The following ZYG11B variants were observed in gnomAD, a reference collection of about 807,000 sequenced individuals.
ZYG11B encodes the protein protein zyg-11 homolog B.
ZYG11B carries 36 observed loss-of-function variants against 82.4 expected under a neutral mutation model. The observed-to-expected ratio is 0.44, with a 90% CI of 0.33 to 0.58. The LOEUF (loss-of-function observed/expected upper bound fraction) is 0.58. ZYG11B is among the 20% of genes least tolerant of loss of function. The pLI is 0.02. For synonymous variants in ZYG11B, 303 were observed against 312.8 expected, an observed-to-expected ratio of 0.97 and a Z score of 0.33; for missense variants, 552 against 895.6, an observed-to-expected ratio of 0.62 and a Z score of 4.90.
chr1:52,811,047 A>G (rs1571799463), intron 10 of ZYG11B, among the ~76,000 whole-genome samples: 1 of 106,650 alleles, frequency 9.4e-6, no homozygotes, highest in Non-Finnish European at 1.7e-5. Flanking sequence ...AAAAAAAAAA[A>G]AAAAAGAGAA....
chr1:52,743,467 T>C lies in ZYG11B; in HGVS notation c.31-12991T>C, dbSNP rs999832959. Among the ~76,000 whole-genome samples, 13 of 142,184 alleles carry C rather than the reference T, an allele frequency of 9.1e-5. No homozygotes were observed. In the Middle Eastern group the frequency reaches 0.013, roughly 141 times the overall value. 93.3% of individuals were successfully genotyped at this position (142,184 alleles called of 152,430 possible). ...CGCTAAGAAAGTTACAGTAAGATAATGTTAATTTATTACTGAAGAAAGACA... is the reference window on the plus strand; with the variant it reads ...CGCTAAGAAAGTTACAGTAAGATAACGTTAATTTATTACTGAAGAAAGACA... On this transcript the variant is annotated intron_variant, in intron 1 of 13. Transcript: ENST00000294353.
chr1:52,783,511 CAGGAAGGTGACATGTATATGTACGT>C (rs767696264), intron 4 of ZYG11B, among the ~76,000 whole-genome samples: 1 of 151,132 alleles, frequency 6.6e-6, no homozygotes, highest in Non-Finnish European at 1.5e-5. Flanking sequence ...TGGTAGCAGG[CAGGAAGGTGACATGTATATGTACGT>C]ATGCTGGTAA....
intron 1 of ZYG11B, among the ~76,000 whole-genome samples, chr1:52,730,097 T>G (rs773831956): frequency 1.4e-4 from 22 of 152,126 alleles, no homozygotes; most frequent in Non-Finnish European, 2.9e-4. Flanking sequence ...CGTGAACTAC[T>G]ACAAAAGTTT....
chr1:52,788,292 G>A (rs1644930226), intron 5 of ZYG11B, among the ~76,000 whole-genome samples: 1 of 152,230 alleles, frequency 6.6e-6, no homozygotes, highest in Admixed American at 6.5e-5. Context: ...AACTCTAGCT[G>A]GGCGGAAATT....
chr1:52,804,183 C>T (rs1280335337), intron 10 of ZYG11B, among the ~76,000 whole-genome samples: 1 of 152,076 alleles, frequency 6.6e-6, no homozygotes, highest in Admixed American at 6.6e-5. Context: ...AGTTTGAGGG[C>T]TGCAGTGAGC....
At chr1:52,765,018 A>G (rs1360702786) in intron 2 of ZYG11B, among the ~76,000 whole-genome samples, 1 of 151,666 alleles carries the variant, frequency 6.6e-6, no homozygotes. Flanking sequence ...CCTTAACTCC[A>G]TGTAAACCAC....
At chr1:52,810,200 C>T (rs1459324219) in intron 10 of ZYG11B, among the ~76,000 whole-genome samples, 1 of 152,150 alleles carries the variant, frequency 6.6e-6, no homozygotes, top group Non-Finnish European at 1.5e-5. Context: ...GGACTCTACC[C>T]AGTGCCTTGT....
intron 1 of ZYG11B, among the ~76,000 whole-genome samples, chr1:52,746,695 T>G (rs1257056586): frequency 8.2e-6 from 1 of 122,378 alleles, no homozygotes; most frequent in Non-Finnish European, 1.7e-5. Flanking sequence ...CTGTTTTTTT[T>G]TTTTTTTTTT....
At chr1:52,814,300 C>T (rs796820246) in intron 12 of ZYG11B, among the ~76,000 whole-genome samples, 13 of 152,318 alleles carry the variant, frequency 8.5e-5, no homozygotes, top group African/African-American at 3.1e-4. Flanking sequence ...GGATTACAGG[C>T]GTGAGCCACC....
chr1:52,822,203 G>C lies in ZYG11B; in HGVS notation c.*574G>C, dbSNP rs1645289286. The stretch of plus-strand genomic sequence containing the variant: ...ATGAGAAAGAAAAATTATGAAGGTA[G>C]AACAGAGTGTAGGAACTGGGAATTG... On this transcript the variant is annotated 3_prime_UTR_variant, in exon 14 of 14. Coordinates refer to ENST00000294353, the MANE Select transcript of ZYG11B (RefSeq NM_024646.3). 6.6e-6 allele frequency: 1 copy of C among 152,254 alleles called. No individual in the cohort carries two copies. The highest frequency in any genetic ancestry group is 2.4e-5 in the African/African-American group (1 of 41,456). 9.4% of individuals were successfully genotyped at this position (152,254 alleles called of 1,614,324 possible). A position where few individuals can be genotyped will look rare whatever the true frequency, so the allele number is the denominator to read the frequency against.
intron 4 of ZYG11B, among the ~76,000 whole-genome samples, chr1:52,784,198 G>T (rs562303584): frequency 1.3e-5 from 2 of 151,960 alleles, no homozygotes; most frequent in Non-Finnish European, 2.9e-5. Flanking sequence ...CACCATGTTG[G>T]CCAGGCTGGT....
rs974935064 is a variant in ZYG11B, at chr1:52,726,557, A to G, written c.-97A>G. 9 of 1,234,986 alleles carry G rather than the reference A, an allele frequency of 7.3e-6. No individual in the cohort carries two copies. The highest frequency in any genetic ancestry group is 9.3e-6 in the Non-Finnish European group (9 of 963,074). 76.5% of individuals were successfully genotyped at this position (1,234,986 alleles called of 1,614,324 possible). A position where few individuals can be genotyped will look rare whatever the true frequency, so the allele number is the denominator to read the frequency against. ...AGGCCGAGGCCTGGGCCAAGCCCGG[A>G]GCCGCCGCTCGCCGGAGCCTCCTGG... On this transcript the variant is annotated 5_prime_UTR_variant, in exon 1 of 14. Transcript: ENST00000294353.
intron 4 of ZYG11B, among the ~76,000 whole-genome samples, chr1:52,782,513 C>T (rs777938495): frequency 2.6e-5 from 4 of 152,070 alleles, no homozygotes; most frequent in Admixed American, 6.6e-5. Context: ...CTCAACCTCT[C>T]GAATGGCTGG....
intron 1 of ZYG11B, among the ~76,000 whole-genome samples, chr1:52,732,255 A>G (rs893365611): frequency 2.6e-5 from 4 of 152,232 alleles, no homozygotes; most frequent in Non-Finnish European, 5.9e-5. Flanking sequence ...TTTGAACCAT[A>G]AGTCTGAGCA....
intron 2 of ZYG11B, 133 bp downstream of exon 2, chr1:52,756,756 G>A: frequency 1.4e-6 from 1 of 700,190 alleles, no homozygotes; most frequent in Non-Finnish European, 2.2e-6. Flanking sequence ...CCAGGACTAT[G>A]AATTCATTTA....
chr1:52,742,943 A>G (rs970896710), intron 1 of ZYG11B, among the ~76,000 whole-genome samples: 9 of 150,798 alleles, frequency 6.0e-5, no homozygotes, highest in Non-Finnish European at 1.2e-4. Context: ...GGTGGGGGGC[A>G]GCCCCCGCCC....
intron 10 of ZYG11B, 67 bp from the exon 11 acceptor site, chr1:52,813,469 A>C: frequency 7.8e-7 from 1 of 1,286,566 alleles, no homozygotes; most frequent in Non-Finnish European, 1.1e-6. Context: ...CAGGGCCTAA[A>C]AACAGTTATC....
At chr1:52,788,734 A>G (rs1419774607) in intron 5 of ZYG11B, among the ~76,000 whole-genome samples, 1 of 152,114 alleles carries the variant, frequency 6.6e-6, no homozygotes, top group African/African-American at 2.4e-5. Context: ...TGTCTCAAAA[A>G]CAAACAAACA....
At chr1:52,776,229 A>AAAAAAAAAAAAAAAAAAAAAAT in intron 3 of ZYG11B, among the ~76,000 whole-genome samples, 1 of 23,544 alleles carries the variant, frequency 4.2e-5, no homozygotes, top group African/African-American at 9.5e-5. Flanking sequence ...TAAAAAAAAA[A>AAAAAAAAAAAAAAAAAAAAAAT]ATATATATAT....
Sources: allele counts gnomAD v4.1 joint callset (sites outside exome capture counted in the v4.1 genomes callset), GRCh38; gene constraint gnomAD v4.1.1; transcripts MANE v1.5; gene names NCBI Gene and HGNC (gene_info 2026-07-23, HGNC 2026-07-21).